Variants in DGLUCY observed in about 807,000 individuals in gnomAD.
DGLUCY encodes D-glutamate cyclase, also known as D-glutamate cyclase, mitochondrial.
In DGLUCY, 58 loss-of-function variants were observed where a neutral mutation model predicts 58.5. The observed-to-expected ratio is 0.99, with a 90% CI of 0.80 to 1.23. The LOEUF is 1.23. DGLUCY is among the 50% of genes most tolerant of loss of function. The pLI, the probability that DGLUCY is intolerant of heterozygous loss-of-function variation, is 0.00. For synonymous variants in DGLUCY, 325 were observed against 314.1 expected, an observed-to-expected ratio of 1.03 and a Z score of -0.37; for missense variants, 779 against 784.7, an observed-to-expected ratio of 0.99 and a Z score of 0.09.
At chr14:91,145,993 A>G (rs1472795497) in intron 1 of DGLUCY, among the ~76,000 whole-genome samples, 2 of 152,086 alleles carry the variant, frequency 1.3e-5, no homozygotes, top group Non-Finnish European at 2.9e-5. Flanking sequence ...ATCCTCCCGC[A>G]TCAGTCTCCC....
At chr14:91,137,353 C>T (rs2046398307) in intron 1 of DGLUCY, among the ~76,000 whole-genome samples, 1 of 151,426 alleles carries the variant, frequency 6.6e-6, no homozygotes, top group Non-Finnish European at 1.5e-5. Flanking sequence ...GAATAAGGGT[C>T]TTATGGCCTA....
At chr14:91,065,305 C>T (rs1170248231) in intron 1 of DGLUCY, among the ~76,000 whole-genome samples, 4 of 152,086 alleles carry the variant, frequency 2.6e-5, no homozygotes, top group Non-Finnish European at 5.9e-5. Context: ...CTTACATATC[C>T]CCTCTGGGTG....
intron 3 of DGLUCY, among the ~76,000 whole-genome samples, chr14:91,164,170 G>A (rs192386524): frequency 3.3e-5 from 5 of 152,118 alleles, no homozygotes; most frequent in African/African-American, 9.6e-5. Context: ...GGCTGGTCTC[G>A]AACTCCTGAC....
intron 11 of DGLUCY, 53 bp from the exon 12 acceptor site, chr14:91,204,653 C>G: frequency 1.9e-6 from 3 of 1,595,728 alleles, no homozygotes; most frequent in Non-Finnish European, 2.6e-6. Context: ...TGCTTCAGGC[C>G]TCCCCCATTT....
In DGLUCY at chr14:91,140,607, G is replaced by A. The variant is rs1294397204; in HGVS notation, c.-81-17032G>A. Among the ~76,000 whole-genome samples, 12 of 152,308 alleles carry A rather than the reference G, an allele frequency of 7.9e-5. 1 individual carries two copies. The South Asian group carries it at 2.5e-3, about 32-fold the overall frequency. On this transcript the variant is annotated intron_variant, in intron 1 of 13. Transcript: ENST00000256324. ...AATCTCTTGAACCTGGGAGGCGGAG[G>A]TTGGAGTGAGCCTAGATCACGCCAT... is the stretch of plus-strand genomic sequence containing the variant.
At chr14:91,106,432 C>G (rs936584842), upstream of DGLUCY, among the ~76,000 whole-genome samples, 1 of 151,262 alleles carries the variant, frequency 6.6e-6, no homozygotes, top group Non-Finnish European at 1.5e-5. Flanking sequence ...TTTGGCCAGG[C>G]ACAGTAGCTC....
chr14:91,184,583 G>T (rs1052792128), intron 8 of DGLUCY, among the ~76,000 whole-genome samples: 8 of 123,230 alleles, frequency 6.5e-5, no homozygotes, highest in Admixed American at 2.4e-4. Context: ...AAGTTGGGGG[G>T]GGGGAGGGAG....
intron 6 of DGLUCY, among the ~76,000 whole-genome samples, chr14:91,173,922 A>G (rs1362937588): frequency 2.0e-5 from 3 of 152,066 alleles, no homozygotes; most frequent in Admixed American, 2.0e-4. Flanking sequence ...CATAACTCCT[A>G]AAATTCTTGG....
intron 1 of DGLUCY, among the ~76,000 whole-genome samples, chr14:91,116,827 C>T (rs2044985413): frequency 6.6e-6 from 1 of 151,834 alleles, no homozygotes; most frequent in Non-Finnish European, 1.5e-5. Flanking sequence ...ACCTGTAATC[C>T]CAGCTATTTG....
chr14:91,083,545 G>C lies in DGLUCY; in HGVS notation c.-82+22841G>C, dbSNP rs1049246795. Among the ~76,000 whole-genome samples, 491 of 143,990 alleles carry C rather than the reference G, an allele frequency of 3.4e-3. 4 individuals carry two copies. Among genetic ancestry groups the C allele is most frequent in the African/African-American group, 0.013 (462 of 36,836 alleles). The allele number at this position is 143,990 out of a possible 152,430, so 94.5% of individuals were successfully genotyped here. A position where few individuals can be genotyped will look rare whatever the true frequency, so the allele number is the denominator to read the frequency against. The stretch of plus-strand genomic sequence containing the variant: ...CTCAAAAAAAAAAAAAAAAAACAGA[G>C]AGAACGATCCGTAAAAGAGCGAGTC... On this transcript the variant is annotated intron_variant, in intron 1 of 4. Transcript: ENST00000521334.
chr14:91,219,892 G>A (rs966126837), intron 13 of DGLUCY, among the ~76,000 whole-genome samples: 4 of 152,178 alleles, frequency 2.6e-5, no homozygotes, highest in Admixed American at 2.6e-4. Context: ...AATTTGGCAG[G>A]GTGACAGAGC....
At chr14:91,150,063 A>G (rs1400703834) in intron 1 of DGLUCY, among the ~76,000 whole-genome samples, 1 of 151,958 alleles carries the variant, frequency 6.6e-6, no homozygotes, top group Non-Finnish European at 1.5e-5. Flanking sequence ...TACTAAAAAT[A>G]CAAAAATTAG....
chr14:91,210,622 T>C (rs1366606889), intron 12 of DGLUCY, among the ~76,000 whole-genome samples: 2 of 152,174 alleles, frequency 1.3e-5, no homozygotes, highest in Non-Finnish European at 2.9e-5. Flanking sequence ...AAAAATCACA[T>C]GTTCATGTCA....
chr14:91,070,846 T>C (rs1237693247), intron 1 of DGLUCY, among the ~76,000 whole-genome samples: 1 of 152,098 alleles, frequency 6.6e-6, no homozygotes, highest in Middle Eastern at 3.2e-3. Context: ...AAATGAAGAC[T>C]TGAGTCAGCA....
At chr14:91,098,843 G>T (rs1391197275) in intron 1 of DGLUCY, among the ~76,000 whole-genome samples, 1 of 152,236 alleles carries the variant, frequency 6.6e-6, no homozygotes, top group East Asian at 1.9e-4. Flanking sequence ...ATGAGAGTAA[G>T]GGACTTTCCT....
In DGLUCY at chr14:91,224,995, G is replaced by T; in HGVS notation, c.*162G>T. 2.7e-6 allele frequency: 2 copies of T among 747,012 alleles called. No homozygotes were observed. The highest frequency in any genetic ancestry group is 4.0e-6 in the Non-Finnish European group (2 of 496,408). The allele number at this position is 747,012 out of a possible 1,614,324, so 46.3% of individuals were successfully genotyped here. A position where few individuals can be genotyped will look rare whatever the true frequency, so the allele number is the denominator to read the frequency against. On this transcript the variant is annotated 3_prime_UTR_variant, in exon 14 of 14. Coordinates refer to ENST00000256324, the MANE Select transcript of DGLUCY (RefSeq NM_001102368.3). The stretch of plus-strand genomic sequence containing the variant: ...AACTGCATGCCCACTTTCTGGGAGG[G>T]GTTAGTGCAGGTGCTGTGGACAAAG...
chr14:91,150,238 A>G (rs2047245735), intron 1 of DGLUCY, among the ~76,000 whole-genome samples: 1 of 151,038 alleles, frequency 6.6e-6, no homozygotes. Flanking sequence ...AAAAAAAAAA[A>G]AAAATCCAGT....
intron 13 of DGLUCY, 63 bp from the exon 14 acceptor site, chr14:91,224,621 T>C (rs1887959392): frequency 3.4e-6 from 5 of 1,475,510 alleles, no homozygotes; most frequent in Non-Finnish European, 4.5e-6. Context: ...TATAAATGTG[T>C]ATAAAAGAAA....
At chr14:91,159,105 A>G (rs112161503) in intron 2 of DGLUCY, 6,051 of 143,458 alleles carry the variant, frequency 0.042, 177 homozygotes, top group Middle Eastern at 0.083. Flanking sequence ...TGCTGGGATT[A>G]CAGGCGTGAG....
Sources: allele counts gnomAD v4.1 joint callset (sites outside exome capture counted in the v4.1 genomes callset), GRCh38; gene constraint gnomAD v4.1.1; transcripts MANE v1.5; gene names NCBI Gene and HGNC (gene_info 2026-07-23, HGNC 2026-07-21).